COL24A1: variants seen among roughly 807,000 people sequenced by gnomAD.
COL24A1 encodes collagen alpha-1(XXIV) chain.
A neutral mutation model predicts 253.9 loss-of-function variants in COL24A1; 224 were observed. The observed-to-expected ratio is 0.88, with a 90% CI of 0.79 to 0.99. COL24A1 has a LOEUF of 0.99. Among genes scored for constraint, COL24A1 ranks in the 50% least tolerant of loss-of-function variants. COL24A1 has a pLI of 0.00. For missense variants in COL24A1, 2,131 were observed against 2,068.5 expected (o/e 1.03, Z -0.59); for synonymous variants, 685 against 673.7 (o/e 1.02, Z -0.26).
intron 7 of COL24A1, among the ~76,000 whole-genome samples, chr1:86,077,874 A>G (rs1702367362): frequency 6.6e-6 from 1 of 152,160 alleles, no homozygotes; most frequent in Admixed American, 6.5e-5. Flanking sequence ...ATTAGGAGAA[A>G]TACCTAATGC....
At chr1:85,817,927 C>T (rs1673210387) in intron 46 of COL24A1, 107 bp downstream of exon 46, 4 of 898,078 alleles carry the variant, frequency 4.5e-6, no homozygotes, top group Middle Eastern at 2.2e-4. Context: ...AAAAGACAAT[C>T]TGATTTATCC....
intron 59 of COL24A1, among the ~76,000 whole-genome samples, chr1:85,732,657 T>C (rs1458258580): frequency 6.6e-6 from 1 of 152,216 alleles, no homozygotes; most frequent in African/African-American, 2.4e-5. Flanking sequence ...TAATTTTACT[T>C]ACTTGCGAAT....
intron 57 of COL24A1, among the ~76,000 whole-genome samples, chr1:85,744,279 A>T (rs12128916): frequency 0.43 from 65,500 of 151,680 alleles, 14,674 homozygotes; most frequent in South Asian, 0.57. Flanking sequence ...ATTTTGTATT[A>T]AAAAAAACCC....
intron 37 of COL24A1, among the ~76,000 whole-genome samples, chr1:85,853,438 C>T (rs191468002): frequency 3.3e-5 from 5 of 152,066 alleles, no homozygotes; most frequent in East Asian, 1.9e-4. Context: ...AAGATAAATG[C>T]GCATGCATCT....
At chr1:86,140,970 A>G (rs1650985613) in intron 2 of COL24A1, among the ~76,000 whole-genome samples, 1 of 152,216 alleles carries the variant, frequency 6.6e-6, no homozygotes, top group Non-Finnish European at 1.5e-5. Flanking sequence ...ATTTAAGGGA[A>G]TTTACTGAAA....
chr1:86,004,328 T>A (rs11161719), intron 19 of COL24A1, among the ~76,000 whole-genome samples: 2 of 151,904 alleles, frequency 1.3e-5, no homozygotes, highest in Non-Finnish European at 2.9e-5. Context: ...GAATGCCTGA[T>A]CCACAGACAT....
At chr1:85,907,340 C>T in intron 27 of COL24A1, 93 bp from the exon 28 acceptor site, 1 of 1,048,930 alleles carries the variant, frequency 9.5e-7, no homozygotes, top group Non-Finnish European at 1.4e-6. Flanking sequence ...TATCCTTCTC[C>T]CAGGACATTT....
At chr1:85,920,460 A>G (rs1237258390) in intron 24 of COL24A1, among the ~76,000 whole-genome samples, 2 of 152,240 alleles carry the variant, frequency 1.3e-5, no homozygotes, top group Non-Finnish European at 2.9e-5. Context: ...TATATACTAT[A>G]GACGGCTTTG....
At chr1:85,941,149 A>G (rs1470400220) in intron 24 of COL24A1, among the ~76,000 whole-genome samples, 2 of 152,260 alleles carry the variant, frequency 1.3e-5, no homozygotes, top group East Asian at 3.9e-4. Context: ...CAGGAATGTT[A>G]AGAGAATGTT....
chr1:85,979,134 G>C (rs1476180552), intron 20 of COL24A1, among the ~76,000 whole-genome samples: 3 of 152,046 alleles, frequency 2.0e-5, no homozygotes, highest in Non-Finnish European at 2.9e-5. Flanking sequence ...AAAATTATTT[G>C]AACTGAACGA....
chr1:85,838,685 G>C, intron 42 of COL24A1, 47 bp from the exon 43 acceptor site: 3 of 1,554,296 alleles, frequency 1.9e-6, no homozygotes, highest in Non-Finnish European at 2.7e-6. Flanking sequence ...CTGGATCAAA[G>C]TATATGCGAA....
intron 7 of COL24A1, among the ~76,000 whole-genome samples, chr1:86,065,568 T>C (rs1178036929): frequency 6.6e-6 from 1 of 152,024 alleles, no homozygotes; most frequent in African/African-American, 2.4e-5. Flanking sequence ...TGACAGTTAA[T>C]CTAAGGGAGG....
chr1:85,891,982 C>T (rs918145090), intron 31 of COL24A1, among the ~76,000 whole-genome samples: 5 of 152,060 alleles, frequency 3.3e-5, no homozygotes, highest in Admixed American at 2.6e-4. Flanking sequence ...ATAATGATGA[C>T]CATGAGGATA....
chr1:85,844,519 T>C (rs1457706872), intron 39 of COL24A1, among the ~76,000 whole-genome samples: 1 of 151,994 alleles, frequency 6.6e-6, no homozygotes, highest in Non-Finnish European at 1.5e-5. Flanking sequence ...CAGAAATTAG[T>C]GAATCAGAAA....
chr1:85,982,255 G>C (rs1303485374), intron 20 of COL24A1, among the ~76,000 whole-genome samples: 1 of 152,036 alleles, frequency 6.6e-6, no homozygotes, highest in African/African-American at 2.4e-5. Flanking sequence ...CTAATTGCCA[G>C]GGGCTGTGGG....
chr1:85,873,045 A>T (rs1680716346), intron 35 of COL24A1, among the ~76,000 whole-genome samples: 1 of 152,234 alleles, frequency 6.6e-6, no homozygotes, highest in East Asian at 1.9e-4. Flanking sequence ...GACACTTCTC[A>T]AAAGAAGACA....
intron 46 of COL24A1, among the ~76,000 whole-genome samples, chr1:85,817,132 T>C (rs576480735): frequency 6.6e-6 from 1 of 152,352 alleles, no homozygotes; most frequent in South Asian, 2.1e-4. Flanking sequence ...AGCAATTTAC[T>C]GTGTAACTTT....
chr1:86,038,036 T>C (rs1699167555), intron 12 of COL24A1, among the ~76,000 whole-genome samples: 1 of 152,146 alleles, frequency 6.6e-6, no homozygotes, highest in Admixed American at 6.5e-5. Context: ...TTTTAAACTT[T>C]ATCATTCCAG....
At chr1:86,119,505 G>C (rs1037531571) in intron 3 of COL24A1, among the ~76,000 whole-genome samples, 1 of 152,038 alleles carries the variant, frequency 6.6e-6, no homozygotes, top group Admixed American at 6.6e-5. Flanking sequence ...TGGTGAGAGG[G>C]GACAAAAGAC....
Sources: allele counts gnomAD v4.1 joint callset (sites outside exome capture counted in the v4.1 genomes callset), GRCh38; gene constraint gnomAD v4.1.1; transcripts MANE v1.5; gene names NCBI Gene and HGNC (gene_info 2026-07-23, HGNC 2026-07-21).